Variants in FAR1 observed in about 807,000 individuals in gnomAD.
The protein encoded by FAR1 is male sterility domain-containing protein 2.
Under a neutral mutation model 61.1 loss-of-function variants are expected in FAR1, and 22 were observed. The observed-to-expected ratio is 0.36, with a 90% CI of 0.26 to 0.51. The LOEUF (loss-of-function observed/expected upper bound fraction) is 0.51, where lower values mean the gene tolerates loss of function less well. Among genes scored for constraint, FAR1 ranks in the 20% least tolerant of loss-of-function variants. FAR1 has a pLI of 0.95. For synonymous variants in FAR1, 206 were observed against 209.7 expected, an observed-to-expected ratio of 0.98 and a Z score of 0.15; for missense variants, 359 against 626.9, an observed-to-expected ratio of 0.57 and a Z score of 4.56.
chr11:13,695,013 T>C (rs1848293378), intron 2 of FAR1, 59 bp downstream of exon 2: 3 of 1,379,620 alleles, frequency 2.2e-6, no homozygotes, highest in South Asian at 3.3e-5. Context: ...GTGTATATAA[T>C]TATTGTAGTC....
At chr11:13,718,896 A>C (rs1848580892) in intron 9 of FAR1, among the ~76,000 whole-genome samples, 1 of 152,074 alleles carries the variant, frequency 6.6e-6, no homozygotes, top group African/African-American at 2.4e-5. Context: ...TACCCTCTCC[A>C]TGTGGCCTCT....
At chr11:13,673,082 T>G (rs974590734) in intron 1 of FAR1, among the ~76,000 whole-genome samples, 71 of 152,216 alleles carry the variant, frequency 4.7e-4, no homozygotes, top group African/African-American at 1.7e-3. Context: ...TAAACACTTA[T>G]AAATTCACCA....
chr11:13,725,285 A>G (rs553563061), intron 10 of FAR1, among the ~76,000 whole-genome samples: 1 of 152,296 alleles, frequency 6.6e-6, no homozygotes, highest in Non-Finnish European at 1.5e-5. Context: ...TACATTCCAG[A>G]GGGCAGTGTA....
At chr11:13,714,741 A>AATACAGAGTTAAT in intron 9 of FAR1, 61 bp downstream of exon 9, 1 of 1,427,000 alleles carries the variant, frequency 7.0e-7, no homozygotes, top group Non-Finnish European at 9.5e-7. Flanking sequence ...CTTACACTAA[A>AATACAGAGTTAAT]ATGCATATTA....
intron 1 of FAR1, among the ~76,000 whole-genome samples, chr11:13,689,660 G>A (rs1222188828): frequency 6.6e-6 from 1 of 152,028 alleles, no homozygotes; most frequent in Non-Finnish European, 1.5e-5. Flanking sequence ...ATCAAGAGTG[G>A]AATTGCTAGG....
intron 1 of FAR1, among the ~76,000 whole-genome samples, chr11:13,675,142 A>C (rs1003610934): frequency 1.3e-5 from 2 of 151,216 alleles, no homozygotes; most frequent in African/African-American, 4.9e-5. Flanking sequence ...AAATTTGTTC[A>C]TATAAATATA....
At chr11:13,672,531 T>G (rs929244712) in intron 1 of FAR1, among the ~76,000 whole-genome samples, 5 of 143,826 alleles carry the variant, frequency 3.5e-5, no homozygotes, top group Non-Finnish European at 7.6e-5. Flanking sequence ...AGTGACAAAG[T>G]GAGACCCTGT....
intron 2 of FAR1, among the ~76,000 whole-genome samples, chr11:13,698,600 G>A (rs576462897): frequency 6.6e-6 from 1 of 152,144 alleles, no homozygotes; most frequent in African/African-American, 2.4e-5. Context: ...GGAGGTCAAG[G>A]TGGGGGGATC....
intron 1 of FAR1, among the ~76,000 whole-genome samples, chr11:13,670,694 TG>T (rs2134163250): frequency 6.6e-6 from 1 of 152,038 alleles, no homozygotes; most frequent in East Asian, 1.9e-4. Flanking sequence ...TGAAGAATTT[TG>T]TAGCTAAGTA....
At chr11:13,689,982 TCTC>T (rs1178958340) in intron 1 of FAR1, among the ~76,000 whole-genome samples, 2 of 151,684 alleles carry the variant, frequency 1.3e-5, no homozygotes, top group African/African-American at 4.8e-5. Flanking sequence ...CTCAAGCAAT[TCTC>T]CTGCCTCAGC....
chr11:13,670,271 TTTTTG>T (rs548860342), intron 1 of FAR1: 40 of 151,928 alleles, frequency 2.6e-4, no homozygotes, highest in African/African-American at 8.5e-4. Flanking sequence ...TATTTTATAA[TTTTTG>T]TTTTGTTTTG....
intron 1 of FAR1, among the ~76,000 whole-genome samples, chr11:13,670,840 A>G (rs1393435194): frequency 6.6e-6 from 1 of 152,078 alleles, no homozygotes; most frequent in African/African-American, 2.4e-5. Context: ...GAGGTCAGAG[A>G]AGAGGTAGTA....
At chr11:13,677,606 T>C (rs904915083) in intron 1 of FAR1, among the ~76,000 whole-genome samples, 3 of 152,176 alleles carry the variant, frequency 2.0e-5, no homozygotes, top group Non-Finnish European at 4.4e-5. Context: ...TTTGCCACAT[T>C]TGGTTCATGT....
rs1303311645 is a variant in FAR1 at position 13,731,656 on chromosome 11, T to G, written c.*2882T>G. The stretch of plus-strand genomic sequence containing the variant: ...TTAATTCTGAGTTCCTTACACAGCA[T>G]TTTAGGGAAAGAATACAGGCAGGAT... On this transcript the variant is annotated 3_prime_UTR_variant, in exon 12 of 12. Transcript: ENST00000354817. 1 of 152,162 alleles carries G rather than the reference T, an allele frequency of 6.6e-6. No homozygotes were observed. The highest frequency in any genetic ancestry group is 1.5e-5 in the Non-Finnish European group (1 of 68,026). The allele number at this position is 152,162 out of a possible 1,614,324, so 9.4% of individuals were successfully genotyped here.
Position 13,732,016 on chromosome 11 carries a change from T to C in FAR1, c.*3242T>C, listed in dbSNP as rs779111150. ...AGCCCTGACTTGAAACCATTAGCGC[T>C]AACTTGCTCTGTTTTGAGAAAAACT... is the stretch of plus-strand genomic sequence containing the variant. On this transcript the variant is annotated 3_prime_UTR_variant, in exon 12 of 12. Transcript: ENST00000354817. 1 of 152,060 alleles carries C rather than the reference T, an allele frequency of 6.6e-6. No homozygotes were observed. The highest frequency in any genetic ancestry group is 1.5e-5 in the Non-Finnish European group (1 of 68,014). 9.4% of individuals were successfully genotyped at this position (152,060 alleles called of 1,614,324 possible).
chr11:13,712,095 G>A, intron 7 of FAR1, 49 bp downstream of exon 7: 1 of 1,242,170 alleles, frequency 8.1e-7, no homozygotes, highest in Non-Finnish European at 1.2e-6. Flanking sequence ...AACTGAAAAG[G>A]GAAGACATAG....
intron 10 of FAR1, among the ~76,000 whole-genome samples, chr11:13,724,219 G>A (rs1329454666): frequency 6.6e-6 from 1 of 151,956 alleles, no homozygotes; most frequent in African/African-American, 2.4e-5. Context: ...ATCTGATTAG[G>A]TTTTTAGCAC....
chr11:13,690,464 G>C (rs1848237342), intron 1 of FAR1, among the ~76,000 whole-genome samples: 1 of 152,068 alleles, frequency 6.6e-6, no homozygotes, highest in South Asian at 2.1e-4. Flanking sequence ...TCATGGAAAT[G>C]GTCCTCCTCT....
At chr11:13,685,351 C>T (rs554503951) in intron 1 of FAR1, 3 of 153,246 alleles carry the variant, frequency 2.0e-5, no homozygotes, top group African/African-American at 4.8e-5. Context: ...CCAACTGGCA[C>T]CTTCATAGCA....
Sources: allele counts gnomAD v4.1 joint callset (sites outside exome capture counted in the v4.1 genomes callset), GRCh38; gene constraint gnomAD v4.1.1; transcripts MANE v1.5; gene names NCBI Gene and HGNC (gene_info 2026-07-23, HGNC 2026-07-21).